STAG1: variants seen among roughly 807,000 people sequenced by gnomAD.
STAG1 encodes the protein cohesin subunit SA-1.
STAG1 carries 26 observed loss-of-function variants against 170.9 expected under a neutral mutation model. The ratio of observed to expected loss-of-function variants is 0.15; its 90% CI spans 0.11 to 0.21. The LOEUF is 0.21. STAG1 is among the 10% of genes least tolerant of loss of function. The pLI, the probability that STAG1 is intolerant of heterozygous loss-of-function variation, is 1.00. For synonymous variants in STAG1, 514 were observed against 497.7 expected (o/e 1.03, Z -0.44); for missense variants, 964 against 1,509.5 (o/e 0.64, Z 5.99).
chr3:136,646,687 C>G (rs1190402200), intron 1 of STAG1, among the ~76,000 whole-genome samples: 1 of 152,152 alleles, frequency 6.6e-6, no homozygotes, highest in Non-Finnish European at 1.5e-5. Flanking sequence ...GCAGGCAGAT[C>G]ACGAGGTCAG....
At chr3:136,383,682 G>A (rs1432250927) in intron 22 of STAG1, among the ~76,000 whole-genome samples, 1 of 152,116 alleles carries the variant, frequency 6.6e-6, no homozygotes, top group Non-Finnish European at 1.5e-5. Flanking sequence ...ACGGCCAGGC[G>A]CGGTGGCTCA....
chr3:136,518,458 G>A (rs191011619), intron 7 of STAG1: 7 of 690,526 alleles, frequency 1.0e-5, no homozygotes, highest in African/African-American at 5.3e-5. Flanking sequence ...TCTATTCCTC[G>A]TACATATACC....
chr3:136,723,798 C>G (rs1441253180), intron 1 of STAG1, among the ~76,000 whole-genome samples: 1 of 144,716 alleles, frequency 6.9e-6, no homozygotes, highest in African/African-American at 2.6e-5. Flanking sequence ...GGTCAGCCCC[C>G]CGCCCGGCCA....
chr3:136,642,326 C>T (rs1370923764), intron 1 of STAG1, among the ~76,000 whole-genome samples: 1 of 126,128 alleles, frequency 7.9e-6, no homozygotes, highest in African/African-American at 2.9e-5. Context: ...GACTGGAGTA[C>T]AGTAGCGCGA....
At chr3:136,417,171 T>C (rs1031355945) in intron 21 of STAG1, among the ~76,000 whole-genome samples, 3 of 152,064 alleles carry the variant, frequency 2.0e-5, no homozygotes, top group African/African-American at 7.2e-5. Flanking sequence ...TAATATAAGA[T>C]TATTATTGTA....
chr3:136,506,213 T>C (rs1282155169), intron 7 of STAG1, among the ~76,000 whole-genome samples: 1 of 152,158 alleles, frequency 6.6e-6, no homozygotes, highest in Non-Finnish European at 1.5e-5. Context: ...GCTGAAAATA[T>C]TTTGCTCAAA....
chr3:136,411,123 G>T (rs1334298938), intron 21 of STAG1, among the ~76,000 whole-genome samples: 1 of 152,118 alleles, frequency 6.6e-6, no homozygotes, highest in Non-Finnish European at 1.5e-5. Flanking sequence ...CAAAGTTAGT[G>T]ATACATGATT....
chr3:136,380,186 A>C (rs970266704), intron 22 of STAG1, among the ~76,000 whole-genome samples: 1 of 152,232 alleles, frequency 6.6e-6, no homozygotes, highest in African/African-American at 2.4e-5. Flanking sequence ...GTCTGACTCT[A>C]AAGTCCATGT....
At chr3:136,418,919 G>A (rs2087863023) in intron 20 of STAG1, among the ~76,000 whole-genome samples, 1 of 152,124 alleles carries the variant, frequency 6.6e-6, no homozygotes, top group South Asian at 2.1e-4. Flanking sequence ...GGGATTATAG[G>A]TGTGAGCCAC....
chr3:136,618,981 A>C (rs1254740422), intron 3 of STAG1, among the ~76,000 whole-genome samples: 1 of 152,116 alleles, frequency 6.6e-6, no homozygotes, highest in African/African-American at 2.4e-5. Flanking sequence ...ATACCAAAAT[A>C]CTTATCTCTG....
intron 1 of STAG1, among the ~76,000 whole-genome samples, chr3:136,688,536 C>T (rs1015230967): frequency 2.3e-4 from 35 of 152,142 alleles, no homozygotes; most frequent in Admixed American, 5.2e-4. Flanking sequence ...CGATTACAGG[C>T]GCATGTCACC....
intron 1 of STAG1, among the ~76,000 whole-genome samples, chr3:136,709,961 G>A (rs1015101299): frequency 6.6e-6 from 1 of 152,010 alleles, no homozygotes; most frequent in Admixed American, 6.6e-5. Flanking sequence ...CTTGAACCCA[G>A]GAGGCAGAGG....
chr3:136,438,867 T>C (rs1026032335), intron 15 of STAG1, among the ~76,000 whole-genome samples: 4 of 152,114 alleles, frequency 2.6e-5, no homozygotes, highest in Admixed American at 6.6e-5. Flanking sequence ...GATTACAGAA[T>C]GTTAGCACTA....
intron 15 of STAG1, among the ~76,000 whole-genome samples, chr3:136,442,764 G>A (rs1209192878): frequency 1.3e-5 from 2 of 152,142 alleles, no homozygotes; most frequent in East Asian, 1.9e-4. Flanking sequence ...TTTTGGCCAG[G>A]TGCAGTGGCT....
chr3:136,580,094 A>G (rs1415968572), intron 4 of STAG1, among the ~76,000 whole-genome samples: 2 of 148,678 alleles, frequency 1.3e-5, no homozygotes, highest in Non-Finnish European at 3.0e-5. Flanking sequence ...CAGCCTCCCA[A>G]GTAGCTGGGA....
In STAG1 at chr3:136,422,438, T is replaced by A. The variant is rs201418951; in HGVS notation, c.2009A>T (p.Asn670Ile). The change falls in exon 19 of 34, where the codon AAT becomes ATT. Residue 670 changes from asparagine (N) to isoleucine (I), a missense_variant. Physicochemically the swap from Asn to Ile is moderately radical, Grantham distance 149 (BLOSUM62 -3). This residue lies in a region of STAG1 where 232 missense variants were observed against 313.0 expected (regional missense o/e 0.74). Coordinates refer to ENST00000383202, the MANE Select transcript of STAG1 (RefSeq NM_005862.3). ...TTGCAATAGGTCTTCCACAGAATGATTGAATCGATCTACAAACTCATCAAT... is the reference window on the plus strand; with the variant it reads ...TTGCAATAGGTCTTCCACAGAATGAATGAATCGATCTACAAACTCATCAAT... Reference protein sequence around the residue: ...QLIDEFVDRFNHSVEDLLQEG... With the variant: ...QLIDEFVDRFIHSVEDLLQEG... 1.2e-6 allele frequency: 2 copies of A among 1,614,036 alleles called. No homozygotes were observed. Among genetic ancestry groups the A allele is most frequent in the Non-Finnish European group, 1.7e-6 (2 of 1,179,980 alleles).
chr3:136,602,143 G>C (rs1449011255), intron 4 of STAG1, among the ~76,000 whole-genome samples: 1 of 152,066 alleles, frequency 6.6e-6, no homozygotes, highest in Non-Finnish European at 1.5e-5. Flanking sequence ...CACTTTGGGA[G>C]GCCGAGGTGG....
chr3:136,644,983 A>G lies in STAG1; in HGVS notation c.-83-14002T>C, dbSNP rs111388247. 3.2e-3 allele frequency among the ~76,000 whole-genome samples: 485 copies of G among 152,076 alleles called. 1 individual carries two copies. Among genetic ancestry groups the G allele is most frequent in the Non-Finnish European group, 5.7e-3 (389 of 67,984 alleles). ...GAATTCAAGCAATCCTCCTACCTCGATCTCCCGAAGTGCTGGGATTACAGG... is the reference window on the plus strand; with the variant it reads ...GAATTCAAGCAATCCTCCTACCTCGGTCTCCCGAAGTGCTGGGATTACAGG... On this transcript the variant is annotated intron_variant, in intron 1 of 33. Coordinates refer to ENST00000383202, the MANE Select transcript of STAG1 (RefSeq NM_005862.3).
intron 16 of STAG1, among the ~76,000 whole-genome samples, chr3:136,427,604 C>T (rs1374416597): frequency 6.6e-6 from 1 of 150,810 alleles, no homozygotes; most frequent in African/African-American, 2.4e-5. Context: ...GATATGTCTG[C>T]AGCTACAGTT....
Sources: allele counts gnomAD v4.1 joint callset (sites outside exome capture counted in the v4.1 genomes callset), GRCh38; gene constraint gnomAD v4.1.1; regional missense constraint gnomAD v4.1.1; transcripts MANE v1.5; gene names NCBI Gene and HGNC (gene_info 2026-07-23, HGNC 2026-07-21).